NAV2: variants seen among roughly 807,000 people sequenced by gnomAD.
NAV2 encodes neuron navigator 2, also known as helicase, APC down-regulated 1.
Under a neutral mutation model 223.2 loss-of-function variants are expected in NAV2, and 54 were observed. The ratio of observed to expected loss-of-function variants is 0.24; its 90% CI spans 0.19 to 0.30. NAV2 has a LOEUF of 0.30. NAV2 is among the 10% of genes least tolerant of loss of function. The pLI is 1.00. For missense variants in NAV2, 2,806 were observed against 3,147.5 expected, an observed-to-expected ratio of 0.89 and a Z score of 2.60; for synonymous variants, 1,279 against 1,239.3, an observed-to-expected ratio of 1.03 and a Z score of -0.67.
intron 6 of NAV2, among the ~76,000 whole-genome samples, chr11:19,905,991 G>A (rs1166975091): frequency 6.6e-6 from 1 of 152,066 alleles, no homozygotes; most frequent in Non-Finnish European, 1.5e-5. Flanking sequence ...CAAAATGAAT[G>A]TTTTCAAATC....
Position 20,055,902 on chromosome 11 carries a change from T to A in NAV2, c.4776T>A (p.Asp1592Glu), listed in dbSNP as rs758051017. 1 of 1,614,070 alleles carries A rather than the reference T, an allele frequency of 6.2e-7. No homozygotes were observed. Among genetic ancestry groups the A allele is most frequent in the East Asian group, 2.2e-5 (1 of 44,866 alleles). ...TCCGGAATAGCTCCATGTCCCTGGA[T>A]GAGAAGAGCAGAACCATGAGCCGTT... ...SRFRNSSMSLDEKSRTMSRSG... is the reference protein window; with the variant it reads ...SRFRNSSMSLEEKSRTMSRSG... The change falls in exon 19 of 38, where the codon GAT becomes GAA. Residue 1592 changes from aspartate (D) to glutamate (E), a missense_variant. By Grantham distance (45) the Asp-to-Glu change is conservative. Coordinates refer to ENST00000349880, the MANE Select transcript of NAV2 (RefSeq NM_145117.5).
intron 3 of NAV2, among the ~76,000 whole-genome samples, chr11:19,864,545 A>G (rs906412078): frequency 3.3e-5 from 5 of 151,964 alleles, no homozygotes; most frequent in African/African-American, 1.2e-4. Flanking sequence ...TTCTCTTTCC[A>G]GTTGTTTGGC....
At chr11:19,404,961 T>G (rs1413831068) in intron 1 of NAV2, among the ~76,000 whole-genome samples, 1 of 152,158 alleles carries the variant, frequency 6.6e-6, no homozygotes, top group African/African-American at 2.4e-5. Flanking sequence ...CCTCTCTCTG[T>G]GCTCTCTGTC....
At chr11:20,009,967 A>G (rs1048520472) in intron 11 of NAV2, among the ~76,000 whole-genome samples, 2 of 151,536 alleles carry the variant, frequency 1.3e-5, no homozygotes, top group East Asian at 3.9e-4. Flanking sequence ...AATACATCCT[A>G]TTATAACTGT....
At chr11:19,491,899 G>A (rs979556664) in intron 1 of NAV2, among the ~76,000 whole-genome samples, 6 of 151,780 alleles carry the variant, frequency 4.0e-5, no homozygotes, top group African/African-American at 1.5e-4. Flanking sequence ...GCCATTGTAG[G>A]GTTATTAATT....
rs548570244 is a variant in NAV2 at position 19,744,312 on chromosome 11, C to T, written c.267+30350C>T. Among the ~76,000 whole-genome samples the T allele has an allele frequency of 5.3e-5, 8 of 152,312 alleles. No individual in the cohort carries two copies. The South Asian group carries it at 1.7e-3, about 32-fold the overall frequency. On this transcript the variant is annotated intron_variant, in intron 1 of 37. Transcript: ENST00000349880. ...TGCAGAGTAGAGGATGCCAATGGCA[C>T]ACTTTGCCAGAGACCCATTGAAACA...
chr11:19,416,356 G>A (rs1405282909), intron 1 of NAV2, among the ~76,000 whole-genome samples: 1 of 152,122 alleles, frequency 6.6e-6, no homozygotes. Context: ...TTGCTACAAA[G>A]TGAATAAAAT....
chr11:19,577,787 G>A (rs1196433511), intron 1 of NAV2, among the ~76,000 whole-genome samples: 1 of 152,126 alleles, frequency 6.6e-6, no homozygotes, highest in Non-Finnish European at 1.5e-5. Flanking sequence ...CCCACTATTG[G>A]GGGCTGCTTT....
chr11:19,808,791 C>T (rs1565352257), intron 1 of NAV2, among the ~76,000 whole-genome samples: 1 of 152,170 alleles, frequency 6.6e-6, no homozygotes, highest in Non-Finnish European at 1.5e-5. Context: ...AATAAATCTT[C>T]ACTTCATGGG....
chr11:19,520,165 C>G (rs891013311), intron 1 of NAV2, among the ~76,000 whole-genome samples: 4 of 152,194 alleles, frequency 2.6e-5, no homozygotes, highest in Non-Finnish European at 5.9e-5. Context: ...CAGCCACTGA[C>G]CACAGGGACC....
chr11:19,489,753 A>G (rs2042562756), intron 1 of NAV2, among the ~76,000 whole-genome samples: 1 of 152,190 alleles, frequency 6.6e-6, no homozygotes, highest in Non-Finnish European at 1.5e-5. Context: ...GGCTATTGTT[A>G]TAATATTTCT....
At chr11:19,477,290 A>G (rs771975597) in intron 1 of NAV2, among the ~76,000 whole-genome samples, 4 of 152,210 alleles carry the variant, frequency 2.6e-5, no homozygotes, top group Non-Finnish European at 5.9e-5. Flanking sequence ...TGTTTTCTGC[A>G]ATTTTTGCCA....
intron 1 of NAV2, among the ~76,000 whole-genome samples, chr11:19,544,786 G>A (rs901777730): frequency 2.6e-5 from 4 of 152,204 alleles, no homozygotes; most frequent in African/African-American, 9.7e-5. Context: ...AGGGCTGGAG[G>A]TGAGCCTGCC....
intron 11 of NAV2, among the ~76,000 whole-genome samples, chr11:20,035,170 G>A (rs1306516213): frequency 2.0e-5 from 3 of 152,008 alleles, no homozygotes; most frequent in African/African-American, 7.3e-5. Flanking sequence ...AATCCAGGCA[G>A]CATTGACCGC....
intron 11 of NAV2, among the ~76,000 whole-genome samples, chr11:20,032,117 A>C (rs1300963888): frequency 6.6e-6 from 1 of 152,358 alleles, no homozygotes; most frequent in East Asian, 1.9e-4. Flanking sequence ...CAAAGGAGAC[A>C]TGGCTGGTTT....
At chr11:19,662,759 C>T (rs2048319944) in intron 1 of NAV2, among the ~76,000 whole-genome samples, 1 of 152,234 alleles carries the variant, frequency 6.6e-6, no homozygotes, top group South Asian at 2.1e-4. Context: ...GCCTGTCTCA[C>T]CCATGCCTGA....
chr11:20,006,386 A>T (rs1454855468), intron 11 of NAV2, among the ~76,000 whole-genome samples: 1 of 151,792 alleles, frequency 6.6e-6, no homozygotes, highest in African/African-American at 2.4e-5. Flanking sequence ...TATTAAATAT[A>T]AAAATTGTGG....
intron 1 of NAV2, among the ~76,000 whole-genome samples, chr11:19,647,720 G>C (rs183277884): frequency 6.6e-6 from 1 of 152,262 alleles, no homozygotes; most frequent in East Asian, 1.9e-4. Context: ...GGAGTAGAGG[G>C]AGAAAGTCAA....
intron 31 of NAV2, among the ~76,000 whole-genome samples, chr11:20,098,811 T>C (rs1470255): frequency 0.98 from 148,798 of 152,332 alleles, 72,767 homozygotes; most frequent in Middle Eastern, 1. Flanking sequence ...GCTCATGGCC[T>C]TGGGCAATCC....
Sources: allele counts gnomAD v4.1 joint callset (sites outside exome capture counted in the v4.1 genomes callset), GRCh38; gene constraint gnomAD v4.1.1; transcripts MANE v1.5; gene names NCBI Gene and HGNC (gene_info 2026-07-23, HGNC 2026-07-21).